Variants in RABGAP1L observed in about 807,000 individuals in gnomAD.
RABGAP1L encodes RAB GTPase activating protein 1 like.
In RABGAP1L, 63 loss-of-function variants were observed where a neutral mutation model predicts 137.7. The ratio of observed to expected loss-of-function variants is 0.46; its 90% CI spans 0.37 to 0.56. RABGAP1L has a LOEUF of 0.56. Ranked by LOEUF, RABGAP1L falls within the 20% of genes least tolerant of loss-of-function variation. RABGAP1L has a pLI of 0.00. For synonymous variants in RABGAP1L, 431 were observed against 433.7 expected (o/e 0.99, Z 0.08); for missense variants, 1,095 against 1,244.0 (o/e 0.88, Z 1.80).
At chr1:174,516,201 T>C (rs1160567014) in intron 13 of RABGAP1L, among the ~76,000 whole-genome samples, 1 of 148,716 alleles carries the variant, frequency 6.7e-6, no homozygotes, top group Non-Finnish European at 1.5e-5. Context: ...TCACCCAGAC[T>C]AGAGTGCAGA....
intron 1 of RABGAP1L, among the ~76,000 whole-genome samples, chr1:174,215,858 T>C (rs767157576): frequency 1.3e-5 from 2 of 152,084 alleles, no homozygotes; most frequent in Non-Finnish European, 2.9e-5. Flanking sequence ...CACTCCCTTG[T>C]TTATTGCAGC....
intron 13 of RABGAP1L, among the ~76,000 whole-genome samples, chr1:174,476,493 A>G (rs1248123623): frequency 6.6e-6 from 1 of 152,180 alleles, no homozygotes; most frequent in African/African-American, 2.4e-5. Context: ...GAATTCTTTA[A>G]TATTATGTTA....
intron 14 of RABGAP1L, among the ~76,000 whole-genome samples, chr1:174,638,892 T>A (rs55771463): frequency 3.0e-5 from 3 of 99,878 alleles, no homozygotes; most frequent in African/African-American, 1.2e-4. Context: ...GTGGTGGGGT[T>A]GGGGGAGGGG....
intron 4 of RABGAP1L, among the ~76,000 whole-genome samples, chr1:174,232,404 A>C (rs1670741501): frequency 6.6e-6 from 1 of 150,844 alleles, no homozygotes; most frequent in Non-Finnish European, 1.5e-5. Context: ...AGAATCGCTC[A>C]AACTCGGGAG....
intron 18 of RABGAP1L, among the ~76,000 whole-genome samples, chr1:174,753,127 T>C (rs1159526259): frequency 6.7e-6 from 1 of 150,186 alleles, no homozygotes; most frequent in Non-Finnish European, 1.5e-5. Context: ...TTCTAAGTGC[T>C]CAAAGTCTGG....
intron 19 of RABGAP1L, among the ~76,000 whole-genome samples, chr1:174,834,379 TG>T (rs1692497645): frequency 6.8e-6 from 1 of 147,558 alleles, no homozygotes; most frequent in Non-Finnish European, 1.5e-5. Flanking sequence ...TGAGCCAAGA[TG>T]GCACCATTGC....
chr1:174,873,147 C>T (rs909571363), intron 19 of RABGAP1L, among the ~76,000 whole-genome samples: 1 of 152,060 alleles, frequency 6.6e-6, no homozygotes, highest in African/African-American at 2.4e-5. Context: ...CGGCTCACTG[C>T]AACCTCTGCC....
intron 11 of RABGAP1L, among the ~76,000 whole-genome samples, chr1:174,346,083 G>A (rs1006170134): frequency 3.3e-5 from 5 of 151,978 alleles, no homozygotes; most frequent in African/African-American, 9.7e-5. Flanking sequence ...CTTTTATCTC[G>A]AGGATAAATC....
intron 6 of RABGAP1L, 146 bp downstream of exon 6, chr1:174,250,778 T>G: frequency 1.3e-6 from 1 of 741,432 alleles, no homozygotes; most frequent in African/African-American, 1.8e-5. Flanking sequence ...TTTATTCTTG[T>G]GCTTGTCAGA....
At chr1:174,313,176 G>A (rs1412894451) in intron 11 of RABGAP1L, among the ~76,000 whole-genome samples, 4 of 151,968 alleles carry the variant, frequency 2.6e-5, no homozygotes, top group Admixed American at 1.3e-4. Context: ...TGCCCGCCTC[G>A]GCCTCCCAAA....
intron 13 of RABGAP1L, among the ~76,000 whole-genome samples, chr1:174,564,314 A>G (rs1572341011): frequency 6.6e-6 from 1 of 152,208 alleles, no homozygotes. Flanking sequence ...TGTCACATAT[A>G]TTATGATTGA....
intron 13 of RABGAP1L, among the ~76,000 whole-genome samples, chr1:174,571,396 T>G (rs907638957): frequency 2.6e-5 from 4 of 152,104 alleles, no homozygotes; most frequent in Non-Finnish European, 5.9e-5. Flanking sequence ...AATTTAATTG[T>G]ACACTTTAAA....
intron 7 of RABGAP1L, among the ~76,000 whole-genome samples, chr1:174,259,882 T>A (rs1446442031): frequency 6.6e-6 from 1 of 151,630 alleles, no homozygotes; most frequent in Non-Finnish European, 1.5e-5. Context: ...TCACCCAGGC[T>A]GGAGTGCAGT....
At chr1:174,800,887 CTG>C (rs1397957497) in intron 18 of RABGAP1L, among the ~76,000 whole-genome samples, 1 of 152,206 alleles carries the variant, frequency 6.6e-6, no homozygotes, top group Non-Finnish European at 1.5e-5. Flanking sequence ...CTTATCTAGA[CTG>C]TGTGTGGTTT....
chr1:174,737,618 G>A (rs1429644098), intron 17 of RABGAP1L, among the ~76,000 whole-genome samples: 2 of 151,928 alleles, frequency 1.3e-5, no homozygotes, highest in African/African-American at 4.8e-5. Flanking sequence ...GGTATTAATA[G>A]CAACCCCTCA....
intron 1 of RABGAP1L, among the ~76,000 whole-genome samples, chr1:174,177,974 G>C (rs1027751178): frequency 1.5e-4 from 23 of 152,074 alleles, no homozygotes; most frequent in African/African-American, 4.8e-4. Context: ...ATTGTTTTTT[G>C]GTTCCATATG....
At chr1:174,979,699 A>G (rs1247202269) in intron 23 of RABGAP1L, among the ~76,000 whole-genome samples, 1 of 152,206 alleles carries the variant, frequency 6.6e-6, no homozygotes, top group African/African-American at 2.4e-5. Flanking sequence ...GAACCTTAAA[A>G]TGCTTTTAAC....
chr1:174,865,091 G>T (rs563354402), intron 19 of RABGAP1L, among the ~76,000 whole-genome samples: 1 of 152,288 alleles, frequency 6.6e-6, no homozygotes, highest in African/African-American at 2.4e-5. Context: ...CTGCACTCCA[G>T]CCTGGGTGAC....
chr1:174,817,246 G>A (rs1690534771), intron 19 of RABGAP1L, among the ~76,000 whole-genome samples: 1 of 152,054 alleles, frequency 6.6e-6, no homozygotes, highest in Admixed American at 6.6e-5. Context: ...AAATTAAAAG[G>A]CAAAATCTGA....
Sources: gnomAD v4.1 joint callset for allele counts (sites outside exome capture counted in the v4.1 genomes callset) on GRCh38, gnomAD v4.1.1 for gene constraint, MANE v1.5 for transcripts, NCBI Gene and HGNC (gene_info 2026-07-23, HGNC 2026-07-21) for gene names.